BMPR1A: variants seen among roughly 807,000 people sequenced by gnomAD.
BMPR1A encodes bone morphogenetic protein receptor type 1A.
Under a neutral mutation model 66.0 loss-of-function variants are expected in BMPR1A, and 7 were observed. That is an observed-to-expected ratio of 0.11 (90% CI 0.06 to 0.20). The LOEUF (loss-of-function observed/expected upper bound fraction) is 0.20, where lower values mean the gene tolerates loss of function less well. Among genes scored for constraint, BMPR1A ranks in the 10% least tolerant of loss-of-function variants. The probability of loss-of-function intolerance (pLI) is 1.00; values close to 1 mark genes in which losing one functional copy is unlikely to be tolerated. For missense variants in BMPR1A, 408 were observed against 669.1 expected, an observed-to-expected ratio of 0.61 and a Z score of 4.31; for synonymous variants, 200 against 229.7, an observed-to-expected ratio of 0.87 and a Z score of 1.17.
At chr10:86,874,708 TC>T (rs1267783507) in intron 2 of BMPR1A, among the ~76,000 whole-genome samples, 11 of 123,804 alleles carry the variant, frequency 8.9e-5, no homozygotes, top group African/African-American at 3.1e-4. Context: ...CACCCGACCT[TC>T]TTTTTTTTTT....
intron 3 of BMPR1A, among the ~76,000 whole-genome samples, chr10:86,877,499 G>T (rs905558775): frequency 6.6e-6 from 1 of 152,164 alleles, no homozygotes; most frequent in Non-Finnish European, 1.5e-5. Context: ...GAGCCACTGT[G>T]CCTGGCTGAT....
chr10:86,929,043 A>T (rs1188327760), downstream of BMPR1A: 2 of 151,816 alleles, frequency 1.3e-5, no homozygotes, highest in African/African-American at 4.8e-5. Flanking sequence ...TAATGACTGC[A>T]CAATATTTGA....
intron 2 of BMPR1A, among the ~76,000 whole-genome samples, chr10:86,841,363 G>A (rs1193098833): frequency 6.6e-6 from 1 of 152,136 alleles, no homozygotes; most frequent in Non-Finnish European, 1.5e-5. Context: ...TCACTGATAT[G>A]CCCATAATTA....
intron 1 of BMPR1A, among the ~76,000 whole-genome samples, chr10:86,813,571 A>C (rs1004616399): frequency 6.6e-6 from 1 of 152,208 alleles, no homozygotes; most frequent in East Asian, 1.9e-4. Flanking sequence ...TGTCTCTGAC[A>C]GTTACAAAAC....
intron 1 of BMPR1A, among the ~76,000 whole-genome samples, chr10:86,833,496 A>G (rs1458539774): frequency 6.6e-6 from 1 of 152,192 alleles, no homozygotes; most frequent in Non-Finnish European, 1.5e-5. Context: ...CCTGAGTATA[A>G]TAGATGAAGC....
chr10:86,846,719 C>CA (rs759124296), intron 2 of BMPR1A, among the ~76,000 whole-genome samples: 7 of 150,410 alleles, frequency 4.7e-5, no homozygotes, highest in East Asian at 1.9e-4. Context: ...CACACACACA[C>CA]AAAAAAAATT....
chr10:86,787,088 T>C (rs1323585056), intron 1 of BMPR1A, among the ~76,000 whole-genome samples: 1 of 152,238 alleles, frequency 6.6e-6, no homozygotes, highest in Non-Finnish European at 1.5e-5. Flanking sequence ...GTTTGCATTA[T>C]AGATTTCATG....
chr10:86,804,431 G>C (rs966106916), intron 1 of BMPR1A, among the ~76,000 whole-genome samples: 18 of 151,928 alleles, frequency 1.2e-4, no homozygotes, highest in South Asian at 2.1e-4. Context: ...GCAGAGATGG[G>C]GTTTCGCCAT....
chr10:86,889,407 C>T (rs530618240), intron 3 of BMPR1A, among the ~76,000 whole-genome samples: 1 of 152,038 alleles, frequency 6.6e-6, no homozygotes, highest in South Asian at 2.1e-4. Flanking sequence ...TTAGTAACTC[C>T]TTTTCCACAT....
At chr10:86,900,701 C>A (rs1235831820) in intron 7 of BMPR1A, among the ~76,000 whole-genome samples, 1 of 152,098 alleles carries the variant, frequency 6.6e-6, no homozygotes, top group Non-Finnish European at 1.5e-5. Context: ...GTTCGCATAC[C>A]TCCTTGTTTT....
chr10:86,856,235 C>A (rs906981721), intron 2 of BMPR1A: 1 of 523,276 alleles, frequency 1.9e-6, no homozygotes, highest in South Asian at 1.4e-5. Context: ...TAATGAACTT[C>A]CCCTTTTAGA....
At chr10:86,760,727 GT>G (rs1163293845) in intron 1 of BMPR1A, among the ~76,000 whole-genome samples, 1 of 152,020 alleles carries the variant, frequency 6.6e-6, no homozygotes, top group African/African-American at 2.4e-5. Flanking sequence ...AGGAAAATGG[GT>G]TTCCTATCAC....
At chr10:86,758,861 T>G (rs1027178677) in intron 1 of BMPR1A, among the ~76,000 whole-genome samples, 3 of 152,234 alleles carry the variant, frequency 2.0e-5, no homozygotes, top group African/African-American at 7.2e-5. Context: ...CTGTAAGATT[T>G]AACATCGACT....
intron 1 of BMPR1A, among the ~76,000 whole-genome samples, chr10:86,817,651 AAAT>A (rs2132981433): frequency 6.6e-6 from 1 of 152,324 alleles, no homozygotes; most frequent in African/African-American, 2.4e-5. Flanking sequence ...TACTAAGACT[AAAT>A]AATGAAGAAA....
upstream of BMPR1A, chr10:86,756,517 C>T (rs1185760283): frequency 6.7e-6 from 1 of 149,672 alleles, no homozygotes; most frequent in Admixed American, 6.6e-5. Context: ...GTGCGCGCGG[C>T]GCGGGCGGGG....
At chr10:86,830,409 T>G (rs1029855282) in intron 1 of BMPR1A, among the ~76,000 whole-genome samples, 1 of 152,216 alleles carries the variant, frequency 6.6e-6, no homozygotes, top group Non-Finnish European at 1.5e-5. Context: ...GGGTGTGCAG[T>G]TGGTGGCTTA....
intron 2 of BMPR1A, among the ~76,000 whole-genome samples, chr10:86,872,816 G>T (rs921916029): frequency 1.3e-5 from 2 of 152,082 alleles, no homozygotes; most frequent in Admixed American, 6.5e-5. Flanking sequence ...CTTAACTGTT[G>T]TGATCACAGT....
chr10:86,890,403 G>A (rs1272183066), intron 4 of BMPR1A, among the ~76,000 whole-genome samples, 179 bp downstream of exon 4: 2 of 151,462 alleles, frequency 1.3e-5, no homozygotes, highest in Non-Finnish European at 2.9e-5. Flanking sequence ...ATGATTGATA[G>A]GTGAGTTACT....
upstream of BMPR1A, chr10:86,756,439 G>C: frequency 6.6e-6 from 1 of 151,640 alleles, no homozygotes; most frequent in Non-Finnish European, 1.5e-5. Flanking sequence ...CGAACTCTTC[G>C]GGCGCTTCCG....
Sources: allele counts gnomAD v4.1 joint callset (sites outside exome capture counted in the v4.1 genomes callset), GRCh38; gene constraint gnomAD v4.1.1; transcripts MANE v1.5; gene names NCBI Gene and HGNC (gene_info 2026-07-23, HGNC 2026-07-21).